Variants in TRIM23 observed in about 807,000 individuals in gnomAD.
TRIM23 encodes the protein E3 ubiquitin-protein ligase TRIM23.
A neutral mutation model predicts 71.0 loss-of-function variants in TRIM23; 27 were observed. The observed-to-expected ratio is 0.38, with a 90% CI of 0.28 to 0.52. The LOEUF is 0.52. TRIM23 is among the 20% of genes least tolerant of loss of function. The probability of loss-of-function intolerance (pLI) is 0.84; values close to 1 mark genes in which losing one functional copy is unlikely to be tolerated. For missense variants in TRIM23, 482 were observed against 692.3 expected, an observed-to-expected ratio of 0.70 and a Z score of 3.41; for synonymous variants, 234 against 238.0, an observed-to-expected ratio of 0.98 and a Z score of 0.16.
At chr5:65,600,959 C>G (rs533640021) in intron 7 of TRIM23, among the ~76,000 whole-genome samples, 1 of 152,186 alleles carries the variant, frequency 6.6e-6, no homozygotes, top group Non-Finnish European at 1.5e-5. Context: ...TCAAACCAAT[C>G]AGGATGGCTA....
At chr5:65,594,843 T>C (rs1268297634) in intron 9 of TRIM23, among the ~76,000 whole-genome samples, 198 bp from the exon 10 acceptor site, 1 of 152,222 alleles carries the variant, frequency 6.6e-6, no homozygotes, top group Non-Finnish European at 1.5e-5. Context: ...ACATAACTTC[T>C]CAGGTTTAGT....
chr5:65,624,267 G>A lies in TRIM23; in HGVS notation c.8C>T (p.Thr3Ile), dbSNP rs773405530. The change falls in exon 1 of 11, where the codon ACC becomes ATC. Residue 3 changes from threonine (T) to isoleucine (I), a missense_variant. Transcript: ENST00000231524. ...CGCTCCGAGCTTGTTTACAACCAGG[G>A]TAGCCATCCTCGCAGGGGAAGCGCC... MATLVVNKLGAGV... is the reference protein window; with the variant it reads MAILVVNKLGAGV... 2.5e-6 allele frequency: 4 copies of A among 1,614,118 alleles called. No homozygotes were observed. Among genetic ancestry groups the A allele is most frequent in the Non-Finnish European group, 2.5e-6 (3 of 1,180,028 alleles).
At chr5:65,596,586 A>G in intron 8 of TRIM23, 55 bp from the exon 9 acceptor site, 1 of 1,065,068 alleles carries the variant, frequency 9.4e-7, no homozygotes, top group Non-Finnish European at 1.4e-6. Flanking sequence ...AATGAATGAC[A>G]TATCAAACAC....
intron 2 of TRIM23, among the ~76,000 whole-genome samples, chr5:65,617,766 T>G: frequency 6.6e-6 from 1 of 152,202 alleles, no homozygotes; most frequent in East Asian, 1.9e-4. Context: ...ATTGTTCTAT[T>G]GGGTTTATGG....
Position 65,590,895 on chromosome 5 carries a change from G to A in TRIM23, c.*874C>T, listed in dbSNP as rs914267492. Reference sequence around the variant, plus strand: ...TAAATAAAGCCAACCCTGGTTCTGCGTTACTTACTACATTTTACCTATAGT... The same window carrying A: ...TAAATAAAGCCAACCCTGGTTCTGCATTACTTACTACATTTTACCTATAGT... On this transcript the variant is annotated 3_prime_UTR_variant, in exon 11 of 11. Transcript: ENST00000231524. The A allele has an allele frequency of 2.5e-5, 25 of 985,090 alleles. No individual in the cohort carries two copies. Among genetic ancestry groups the A allele is most frequent in the Admixed American group, 6.2e-5 (1 of 16,236 alleles). The allele number at this position is 985,090 out of a possible 1,614,324, so 61.0% of individuals were successfully genotyped here.
Position 65,590,220 on chromosome 5 carries a change from G to C in TRIM23, c.*1549C>G, listed in dbSNP as rs1354831160. The C allele has an allele frequency of 1.1e-6, 1 of 927,530 alleles. No individual in the cohort carries two copies. The highest frequency in any genetic ancestry group is 2.6e-5 in the East Asian group (1 of 38,198). The allele number at this position is 927,530 out of a possible 1,614,324, so 57.5% of individuals were successfully genotyped here. On this transcript the variant is annotated 3_prime_UTR_variant, in exon 11 of 11. Coordinates refer to ENST00000231524, the MANE Select transcript of TRIM23 (RefSeq NM_001656.4). ...ACCTTTTTTATTTTTCACAGTTATTGAAATCAGTCAAATATTAAATAATTT... is the reference window on the plus strand; with the variant it reads ...ACCTTTTTTATTTTTCACAGTTATTCAAATCAGTCAAATATTAAATAATTT...
At chr5:65,597,254 C>T (rs1754232997) in intron 7 of TRIM23, 74 bp from the exon 8 acceptor site, 2 of 1,418,018 alleles carry the variant, frequency 1.4e-6, no homozygotes, top group Non-Finnish European at 2.0e-6. Context: ...TTTATTATTT[C>T]TACATCTCCT....
chr5:65,616,586 G>A (rs1478505390), intron 2 of TRIM23, among the ~76,000 whole-genome samples: 3 of 146,690 alleles, frequency 2.0e-5, no homozygotes, highest in African/African-American at 7.6e-5. Flanking sequence ...AGGCTGCAGT[G>A]AGCTGAGATC....
chr5:65,609,685 AC>A (rs1470032578), intron 5 of TRIM23, among the ~76,000 whole-genome samples: 1 of 152,166 alleles, frequency 6.6e-6, no homozygotes, highest in Non-Finnish European at 1.5e-5. Context: ...AGTGGTGATC[AC>A]AACACTGCAT....
intron 7 of TRIM23, among the ~76,000 whole-genome samples, chr5:65,600,042 A>G (rs572720500): frequency 2.0e-5 from 3 of 151,610 alleles, no homozygotes; most frequent in Non-Finnish European, 4.4e-5. Context: ...GGCATTTCAC[A>G]TGGCAGGAGC....
Position 65,618,178 on chromosome 5 carries a change from A to G in TRIM23, c.159T>C (p.His53=). The part of the protein sequence containing the change: ...DKVPRLLLCG[H]TVCHDCLTRL... The stretch of plus-strand genomic sequence containing the variant: ...GAGTGAGACAGTCATGACAGACGGT[A>G]TGGCCACAAAGCAAAAGACGGGGAA... The change falls in exon 2 of 11, where the codon CAT becomes CAC. Residue 53 remains histidine, a synonymous_variant. Coordinates refer to ENST00000231524, the MANE Select transcript of TRIM23 (RefSeq NM_001656.4). The G allele has an allele frequency of 6.2e-7, 1 of 1,612,118 alleles. No homozygotes were observed. Among genetic ancestry groups the G allele is most frequent in the South Asian group, 1.1e-5 (1 of 91,050 alleles).
rs1452050708 is a variant in TRIM23, at chr5:65,605,012, T to G, written c.1078A>C (p.Ile360Leu). 1 of 1,613,802 alleles carries G rather than the reference T, an allele frequency of 6.2e-7. No homozygotes were observed. The highest frequency in any genetic ancestry group is 1.7e-5 in the Admixed American group (1 of 60,016). ...TGCAATGTTTCCAGTAACCTTGTAA[T>G]TTCCTGTTTTGCCAAGACAACTCTA... ...DCRVVLAKQE[I>L]TRLLETLQKQ... Residue 360 changes from isoleucine (I) to leucine (L), a missense_variant, in exon 7 of 11, where the codon ATT becomes CTT. Coordinates refer to ENST00000231524, the MANE Select transcript of TRIM23 (RefSeq NM_001656.4).
intron 9 of TRIM23, 147 bp from the exon 10 acceptor site, chr5:65,594,792 G>A (rs571690698): frequency 1.2e-5 from 8 of 649,638 alleles, no homozygotes; most frequent in African/African-American, 9.5e-5. Context: ...AGTATGGCAG[G>A]GGCACCTACA....
At chr5:65,612,523 T>TA (rs111699495) in intron 3 of TRIM23, among the ~76,000 whole-genome samples, 10,675 of 145,418 alleles carry the variant, frequency 0.073, 681 homozygotes, top group African/African-American at 0.16. Flanking sequence ...TTTAAGCAAA[T>TA]AAAAAAAAAA....
At chr5:65,592,029 G>T in intron 10 of TRIM23, 81 bp from the exon 11 acceptor site, 1 of 1,360,244 alleles carries the variant, frequency 7.4e-7, no homozygotes, top group Non-Finnish European at 1.0e-6. Flanking sequence ...AGAGAAATTT[G>T]TTGACAGTGT....
chr5:65,605,100 G>C, intron 6 of TRIM23, 55 bp from the exon 7 acceptor site: 1 of 1,488,506 alleles, frequency 6.7e-7, no homozygotes, highest in Non-Finnish European at 9.0e-7. Flanking sequence ...ATAAGGAAAA[G>C]AGACTTATAT....
chr5:65,608,124 C>G (rs1754555165), intron 6 of TRIM23, among the ~76,000 whole-genome samples: 1 of 152,084 alleles, frequency 6.6e-6, no homozygotes, highest in East Asian at 1.9e-4. Context: ...ACTTCCAGTG[C>G]TAAAGGAATA....
At chr5:65,614,266 T>C in intron 2 of TRIM23, 47 bp from the exon 3 acceptor site, 1 of 1,560,246 alleles carries the variant, frequency 6.4e-7, no homozygotes, top group Non-Finnish European at 8.8e-7. Flanking sequence ...AAATGGACTA[T>C]TAATCATTTT....
At chr5:65,615,095 T>G (rs1754746744) in intron 2 of TRIM23, among the ~76,000 whole-genome samples, 1 of 151,962 alleles carries the variant, frequency 6.6e-6, no homozygotes, top group South Asian at 2.1e-4. Flanking sequence ...GAGATGGGGT[T>G]TCGCCATGCT....
Sources: gnomAD v4.1 joint callset for allele counts (sites outside exome capture counted in the v4.1 genomes callset) on GRCh38, gnomAD v4.1.1 for gene constraint, MANE v1.5 for transcripts, NCBI Gene and HGNC (gene_info 2026-07-23, HGNC 2026-07-21) for gene names.